The following PARP11 variants were observed in gnomAD, a reference collection of about 807,000 sequenced individuals.
The protein encoded by PARP11 is poly(ADP-ribose) polymerase family member 11.
PARP11 carries 31 observed loss-of-function variants against 42.9 expected under a neutral mutation model. That is an observed-to-expected ratio of 0.72 (90% CI 0.54 to 0.98). PARP11 has a LOEUF of 0.98. PARP11 is among the 50% of genes least tolerant of loss of function. The pLI, the probability that PARP11 is intolerant of heterozygous loss-of-function variation, is 0.00. For missense variants in PARP11, 365 were observed against 413.1 expected (o/e 0.88, Z 1.01); for synonymous variants, 137 against 127.3 (o/e 1.08, Z -0.51).
chr12:3,854,720 A>T (rs1018192256), intron 1 of PARP11, among the ~76,000 whole-genome samples: 3 of 152,216 alleles, frequency 2.0e-5, no homozygotes, highest in African/African-American at 7.2e-5. Flanking sequence ...AGCTGGTACC[A>T]TTCCTTCTGA....
chr12:3,867,144 G>A (rs1318646803), intron 1 of PARP11, among the ~76,000 whole-genome samples: 2 of 152,170 alleles, frequency 1.3e-5, no homozygotes, highest in Admixed American at 1.3e-4. Flanking sequence ...AAAATTGACA[G>A]AGCATGAAGT....
chr12:3,855,542 A>C (rs1198243521), intron 1 of PARP11, among the ~76,000 whole-genome samples: 1 of 152,254 alleles, frequency 6.6e-6, no homozygotes, highest in Non-Finnish European at 1.5e-5. Flanking sequence ...CAAAGAGAAT[A>C]AAATACCTAG....
intron 1 of PARP11, among the ~76,000 whole-genome samples, chr12:3,843,917 T>C (rs1451251566): frequency 1.3e-5 from 2 of 152,250 alleles, no homozygotes; most frequent in Non-Finnish European, 2.9e-5. Context: ...TTGCATACCA[T>C]GTGTAATACA....
intron 1 of PARP11, among the ~76,000 whole-genome samples, chr12:3,848,810 A>G (rs1948044602): frequency 6.6e-6 from 1 of 152,154 alleles, no homozygotes; most frequent in African/African-American, 2.4e-5. Flanking sequence ...CTGGAATTAC[A>G]TCAAACTAAA....
At chr12:3,833,464 C>T (rs1438271372) in intron 1 of PARP11, among the ~76,000 whole-genome samples, 2 of 152,054 alleles carry the variant, frequency 1.3e-5, no homozygotes, top group Admixed American at 6.5e-5. Flanking sequence ...ATTACTCAGG[C>T]ATGCTGATGC....
At chr12:3,813,804 T>A (rs1947229459) in intron 7 of PARP11, among the ~76,000 whole-genome samples, 1 of 152,162 alleles carries the variant, frequency 6.6e-6, no homozygotes, top group African/African-American at 2.4e-5. Flanking sequence ...TAACGTGAAG[T>A]TTTCCCCCAC....
intron 1 of PARP11, chr12:3,841,112 TTA>T: frequency 6.2e-7 from 1 of 1,611,304 alleles, no homozygotes; most frequent in African/African-American, 1.3e-5. Flanking sequence ...ATACAGGCAG[TTA>T]ACCAGCCCTT....
At chr12:3,849,765 G>A (rs1393609809) in intron 1 of PARP11, among the ~76,000 whole-genome samples, 2 of 152,128 alleles carry the variant, frequency 1.3e-5, no homozygotes, top group Non-Finnish European at 2.9e-5. Flanking sequence ...GATCAGTAGG[G>A]TGACTGTAGT....
Position 3,826,214 on chromosome 12 carries a change from G to A in PARP11, c.288C>T (p.Leu96=), listed in dbSNP as rs745349560. ...IDFAEMKQMN[L]TTGKQRLIKR... ...TTATTAAGCGCTGCTTTCCAGTGGTGAGATTCATTTGCTTCATTTCTGTAT... is the reference window on the plus strand; with the variant it reads ...TTATTAAGCGCTGCTTTCCAGTGGTAAGATTCATTTGCTTCATTTCTGTAT... Residue 96 remains leucine, a synonymous_variant, in exon 4 of 8, where the codon CTC becomes CTT. Transcript: ENST00000228820. 3.1e-6 allele frequency: 5 copies of A among 1,595,852 alleles called. No homozygotes were observed. The East Asian group carries it at 1.1e-4, about 36-fold the overall frequency.
At chr12:3,846,811 G>A (rs1948010985) in intron 1 of PARP11, among the ~76,000 whole-genome samples, 1 of 151,544 alleles carries the variant, frequency 6.6e-6, no homozygotes, top group Non-Finnish European at 1.5e-5. Flanking sequence ...TAGGATGGGT[G>A]CAGTGGCTCA....
intron 1 of PARP11, chr12:3,832,092 G>A (rs1947653884): frequency 5.4e-6 from 5 of 925,684 alleles, no homozygotes; most frequent in Non-Finnish European, 6.4e-6. Flanking sequence ...TAACATGTGT[G>A]CTCCGCTATA....
intron 6 of PARP11, among the ~76,000 whole-genome samples, chr12:3,817,818 T>C (rs73251454): frequency 6.6e-6 from 1 of 152,180 alleles, no homozygotes; most frequent in Non-Finnish European, 1.5e-5. Flanking sequence ...GTCATCCTGC[T>C]GAACATCAGA....
intron 1 of PARP11, among the ~76,000 whole-genome samples, chr12:3,850,282 A>AAT (rs1266137925): frequency 6.6e-6 from 1 of 152,160 alleles, no homozygotes; most frequent in Non-Finnish European, 1.5e-5. Flanking sequence ...ATATAGACAT[A>AAT]ATATATATAG....
chr12:3,857,740 G>A (rs1199461180), intron 1 of PARP11, among the ~76,000 whole-genome samples: 1 of 152,046 alleles, frequency 6.6e-6, no homozygotes, highest in South Asian at 2.1e-4. Context: ...CTGCAGTGAA[G>A]CTAGACTGTA....
Position 3,852,448 on chromosome 12 carries a change from C to G in PARP11, c.18+20764G>C, listed in dbSNP as rs984666398. Among the ~76,000 whole-genome samples, 42 of 152,134 alleles carry G rather than the reference C, an allele frequency of 2.8e-4. 1 individual carries two copies. The highest frequency in any genetic ancestry group is 8.0e-4 in the African/African-American group (33 of 41,436). On this transcript the variant is annotated intron_variant, in intron 1 of 7. Coordinates refer to ENST00000228820, the MANE Select transcript of PARP11 (RefSeq NM_020367.6). ...AGTGTAAGAGAAGACCTTAAATGAC[C>G]TGATGGAGCTGAAAACCATGGCACA...
Position 3,840,460 on chromosome 12 carries a change from A to G in PARP11, c.19-10442T>C, listed in dbSNP as rs1947861470. 6.2e-7 allele frequency: 1 copy of G among 1,613,126 alleles called. No homozygotes were observed. The highest frequency in any genetic ancestry group is 8.5e-7 in the Non-Finnish European group (1 of 1,179,042). On this transcript the variant is annotated intron_variant, in intron 1 of 7. Coordinates refer to ENST00000228820, the MANE Select transcript of PARP11 (RefSeq NM_020367.6). The surrounding 1 kb of genome is among the most constrained non-coding windows in gnomAD (Gnocchi z 4.4). ...TCGACTGCAGCATCCTTCAGGAGTA[A>G]GACAACGTGAGTTCTCTAGTCATTC...
chr12:3,842,263 T>G, intron 1 of PARP11: 1 of 1,600,824 alleles, frequency 6.2e-7, no homozygotes, highest in African/African-American at 1.3e-5. Flanking sequence ...GAAAATGAAG[T>G]GTCATATTTT....
At chr12:3,821,311 T>C (rs1947386763) in intron 6 of PARP11, among the ~76,000 whole-genome samples, 1 of 152,218 alleles carries the variant, frequency 6.6e-6, no homozygotes, top group African/African-American at 2.4e-5. Flanking sequence ...CTAATTTGGA[T>C]AATACCTTTA....
At chr12:3,863,676 C>T (rs1052508284) in intron 1 of PARP11, among the ~76,000 whole-genome samples, 2 of 152,224 alleles carry the variant, frequency 1.3e-5, no homozygotes, top group Non-Finnish European at 2.9e-5. Context: ...TTCCAAGCGT[C>T]CCTTCCCGGT....
Sources: gnomAD v4.1 joint callset for allele counts (sites outside exome capture counted in the v4.1 genomes callset) on GRCh38, gnomAD v4.1.1 for gene constraint, Gnocchi (gnomAD v3.1) non-coding constraint, MANE v1.5 for transcripts, NCBI Gene and HGNC (gene_info 2026-07-23, HGNC 2026-07-21) for gene names.